The following PPP2R2A variants were observed in gnomAD, a reference collection of about 807,000 sequenced individuals.
PPP2R2A encodes protein phosphatase 2 regulatory subunit Balpha.
Under a neutral mutation model 53.2 loss-of-function variants are expected in PPP2R2A, and 9 were observed. The observed-to-expected ratio is 0.17, with a 90% CI of 0.10 to 0.30. PPP2R2A has a LOEUF of 0.30. Among genes scored for constraint, PPP2R2A ranks in the 10% least tolerant of loss-of-function variants. The probability of loss-of-function intolerance (pLI) is 1.00; values close to 1 mark genes in which losing one functional copy is unlikely to be tolerated. For missense variants in PPP2R2A, 235 were observed against 534.6 expected (o/e 0.44, Z 5.53); for synonymous variants, 169 against 174.2 (o/e 0.97, Z 0.23).
chr8:26,309,155 G>A (rs1045496474), intron 2 of PPP2R2A, among the ~76,000 whole-genome samples: 9 of 152,062 alleles, frequency 5.9e-5, no homozygotes, highest in Non-Finnish European at 7.4e-5. Flanking sequence ...GCCACCATGC[G>A]CAGCCTATAT....
At chr8:26,315,315 T>G (rs1428811790) in intron 2 of PPP2R2A, among the ~76,000 whole-genome samples, 1 of 152,052 alleles carries the variant, frequency 6.6e-6, no homozygotes, top group Non-Finnish European at 1.5e-5. Flanking sequence ...GCAGTCAGTA[T>G]CTCTAGATGA....
intron 9 of PPP2R2A, among the ~76,000 whole-genome samples, chr8:26,368,222 T>G (rs1427214615): frequency 6.6e-6 from 1 of 152,212 alleles, no homozygotes; most frequent in Admixed American, 6.5e-5. Context: ...TGAGTTTGAT[T>G]AAAGTTGTTG....
chr8:26,333,327 ATTTC>A (rs1437990542), intron 2 of PPP2R2A, among the ~76,000 whole-genome samples: 1 of 152,090 alleles, frequency 6.6e-6, no homozygotes, highest in Non-Finnish European at 1.5e-5. Context: ...TTACTTTTGT[ATTTC>A]TTTGTCTTTT....
At chr8:26,317,957 A>G (rs910947768) in intron 2 of PPP2R2A, among the ~76,000 whole-genome samples, 2 of 152,236 alleles carry the variant, frequency 1.3e-5, no homozygotes, top group Admixed American at 1.3e-4. Flanking sequence ...AGAGAAGGGC[A>G]AGTAGCTACC....
At chr8:26,319,420 TCAC>T (rs1255618621) in intron 2 of PPP2R2A, among the ~76,000 whole-genome samples, 1 of 152,166 alleles carries the variant, frequency 6.6e-6, no homozygotes, top group African/African-American at 2.4e-5. Context: ...TTTTACATTT[TCAC>T]CAGCAATACG....
At chr8:26,320,696 C>T (rs1286573431) in intron 2 of PPP2R2A, among the ~76,000 whole-genome samples, 1 of 152,042 alleles carries the variant, frequency 6.6e-6, no homozygotes, top group Non-Finnish European at 1.5e-5. Flanking sequence ...TTGCTGTGCT[C>T]ACTAAGTTTT....
At chr8:26,302,074 G>A (rs1490667596) in intron 2 of PPP2R2A, among the ~76,000 whole-genome samples, 1 of 152,202 alleles carries the variant, frequency 6.6e-6, no homozygotes, top group African/African-American at 2.4e-5. Context: ...GGGGTAAAGT[G>A]GTTGTCTGGA....
In PPP2R2A at chr8:26,339,000, A is replaced by C; in HGVS notation, c.180+13A>C. The C allele has an allele frequency of 6.4e-7, 1 of 1,565,258 alleles. No homozygotes were observed. The highest frequency in any genetic ancestry group is 8.8e-7 in the Non-Finnish European group (1 of 1,137,554). On this transcript the variant is annotated intron_variant, in intron 3 of 9. Coordinates refer to ENST00000380737, the MANE Select transcript of PPP2R2A (RefSeq NM_002717.4). The surrounding 1 kb of genome is among the most constrained non-coding windows in gnomAD (Gnocchi z 4.5). ...ACAGGAGCAGGAGGTAAGTGTTTAA[A>C]GTTTATTGTCTAAATTTCAGTTTGA...
chr8:26,366,582 A>G (rs556520902), intron 9 of PPP2R2A, among the ~76,000 whole-genome samples, 176 bp downstream of exon 9: 1 of 152,368 alleles, frequency 6.6e-6, no homozygotes, highest in South Asian at 2.1e-4. Flanking sequence ...TAGTAAATAT[A>G]AAAGTACACA....
At chr8:26,331,591 A>G (rs574099290) in intron 2 of PPP2R2A, among the ~76,000 whole-genome samples, 48 of 152,190 alleles carry the variant, frequency 3.2e-4, no homozygotes, top group Non-Finnish European at 5.6e-4. Context: ...CAGGAAGTCA[A>G]ATGTTATTTG....
At chr8:26,361,859 G>C (rs891806371) in intron 6 of PPP2R2A, among the ~76,000 whole-genome samples, 5 of 151,790 alleles carry the variant, frequency 3.3e-5, no homozygotes, top group East Asian at 1.9e-4. Context: ...TACATGGGAG[G>C]CTGAGTTAGG....
chr8:26,311,530 A>T (rs920929944), intron 2 of PPP2R2A, among the ~76,000 whole-genome samples: 13 of 152,252 alleles, frequency 8.5e-5, no homozygotes, highest in South Asian at 6.2e-4. Context: ...TGAGCCGGGC[A>T]CGGTGGTGCA....
chr8:26,346,122 T>TATTATC (rs1232316927), intron 3 of PPP2R2A, among the ~76,000 whole-genome samples: 1 of 148,850 alleles, frequency 6.7e-6, no homozygotes, highest in Non-Finnish European at 1.5e-5. Flanking sequence ...GTCGGGTTAT[T>TATTATC]ATTATTATTA....
chr8:26,350,980 C>T (rs1198984249), intron 3 of PPP2R2A, among the ~76,000 whole-genome samples: 1 of 152,038 alleles, frequency 6.6e-6, no homozygotes, highest in Non-Finnish European at 1.5e-5. Context: ...AGCAAGACCT[C>T]ATCTTTTTTA....
chr8:26,293,776 A>G, intron 2 of PPP2R2A, 36 bp downstream of exon 2: 2 of 1,590,178 alleles, frequency 1.3e-6, no homozygotes, highest in Admixed American at 1.7e-5. Flanking sequence ...TGGATATATA[A>G]TTTTTGCAGA....
chr8:26,323,658 T>C (rs1232458913), intron 2 of PPP2R2A, among the ~76,000 whole-genome samples: 2 of 152,224 alleles, frequency 1.3e-5, no homozygotes, highest in African/African-American at 2.4e-5. Context: ...TGAAGAGATA[T>C]GTAGGACAAG....
intron 9 of PPP2R2A, among the ~76,000 whole-genome samples, chr8:26,369,707 A>G (rs539669093): frequency 9.2e-5 from 14 of 152,182 alleles, no homozygotes; most frequent in East Asian, 1.9e-4. Context: ...AATGTAAATC[A>G]TAAGATAAAG....
At chr8:26,350,305 T>C (rs1804427575) in intron 3 of PPP2R2A, among the ~76,000 whole-genome samples, 1 of 152,132 alleles carries the variant, frequency 6.6e-6, no homozygotes, top group African/African-American at 2.4e-5. Flanking sequence ...TCAGGTGATC[T>C]GCCCGCCTCA....
chr8:26,298,160 TAA>T (rs1307824244), intron 2 of PPP2R2A, among the ~76,000 whole-genome samples: 1 of 152,222 alleles, frequency 6.6e-6, no homozygotes, highest in Non-Finnish European at 1.5e-5. Flanking sequence ...CAGATGTTTG[TAA>T]AGAGTAACCT....
Sources: gnomAD v4.1 joint callset for allele counts (sites outside exome capture counted in the v4.1 genomes callset) on GRCh38, gnomAD v4.1.1 for gene constraint, Gnocchi (gnomAD v3.1) non-coding constraint, MANE v1.5 for transcripts, NCBI Gene and HGNC (gene_info 2026-07-23, HGNC 2026-07-21) for gene names.